Variants in LINGO2 observed in about 807,000 individuals in gnomAD.
LINGO2 encodes the protein leucine-rich repeat and immunoglobulin-like domain-containing nogo receptor-interacting protein 2.
In LINGO2, 14 loss-of-function variants were observed where a neutral mutation model predicts 30.6. The observed-to-expected ratio is 0.46, with a 90% CI of 0.30 to 0.72. The LOEUF (loss-of-function observed/expected upper bound fraction) is 0.72. LINGO2 is among the 30% of genes least tolerant of loss of function. The pLI is 0.07. For missense variants in LINGO2, 729 were observed against 751.7 expected, an observed-to-expected ratio of 0.97 and a Z score of 0.35; for synonymous variants, 317 against 288.5, an observed-to-expected ratio of 1.10 and a Z score of -1.00.
At chr9:28,689,187 T>C in the LINGO2 span, among the ~76,000 whole-genome samples, 4 of 152,060 alleles carry the variant, frequency 2.6e-5, no homozygotes, top group African/African-American at 9.7e-5. Context: ...AGGTAAAGTG[T>C]TTAGGAAATG....
the LINGO2 span, among the ~76,000 whole-genome samples, chr9:28,800,960 A>T: frequency 6.6e-6 from 1 of 152,128 alleles, no homozygotes; most frequent in South Asian, 2.1e-4. Context: ...TTAATAAGCC[A>T]TGCTGTAAGG....
chr9:29,000,128 C>A, the LINGO2 span, among the ~76,000 whole-genome samples: 3 of 151,876 alleles, frequency 2.0e-5, no homozygotes, highest in Non-Finnish European at 4.4e-5. Flanking sequence ...GTTGTTGATT[C>A]AATCATGTAT....
the LINGO2 span, among the ~76,000 whole-genome samples, chr9:28,681,838 A>C: frequency 6.6e-6 from 1 of 152,182 alleles, no homozygotes; most frequent in Admixed American, 6.5e-5. Flanking sequence ...TAGGAAGTAG[A>C]ATACAGACTA....
chr9:28,718,880 A>G, the LINGO2 span, among the ~76,000 whole-genome samples: 1 of 152,018 alleles, frequency 6.6e-6, no homozygotes. Context: ...AATTTGTATT[A>G]TAAATCTATG....
At chr9:28,619,968 A>G (rs999310337) in intron 1 of LINGO2, among the ~76,000 whole-genome samples, 2 of 152,122 alleles carry the variant, frequency 1.3e-5, no homozygotes, top group Non-Finnish European at 1.5e-5. Context: ...TACTTGAATT[A>G]TTGTTATGGT....
chr9:28,298,710 T>C (rs2134198111), intron 3 of LINGO2, among the ~76,000 whole-genome samples: 1 of 151,366 alleles, frequency 6.6e-6, no homozygotes, highest in African/African-American at 2.4e-5. Flanking sequence ...TCAGAATGAA[T>C]GTATTTTCTT....
chr9:29,046,590 A>C, the LINGO2 span, among the ~76,000 whole-genome samples: 1 of 152,180 alleles, frequency 6.6e-6, no homozygotes, highest in Non-Finnish European at 1.5e-5. Flanking sequence ...CACAAAAATC[A>C]ACTCAAAATT....
At chr9:28,760,926 GTGTGTGTA>G in the LINGO2 span, among the ~76,000 whole-genome samples, 8 of 87,066 alleles carry the variant, frequency 9.2e-5, no homozygotes, top group African/African-American at 2.4e-4. Context: ...GTGTGTGTGT[GTGTGTGTA>G]TATATATATA....
At chr9:28,216,939 T>A (rs924990479) in intron 4 of LINGO2, among the ~76,000 whole-genome samples, 1 of 151,830 alleles carries the variant, frequency 6.6e-6, no homozygotes, top group Non-Finnish European at 1.5e-5. Context: ...AATTTCAATT[T>A]ACATGCCAAC....
At chr9:27,997,139 T>G (rs1280815622) in intron 5 of LINGO2, among the ~76,000 whole-genome samples, 1 of 152,316 alleles carries the variant, frequency 6.6e-6, no homozygotes, top group South Asian at 2.1e-4. Flanking sequence ...GCTGGCTTTA[T>G]ACTGAATTTA....
intron 4 of LINGO2, among the ~76,000 whole-genome samples, chr9:28,052,491 G>C (rs1824722821): frequency 1.3e-5 from 2 of 152,022 alleles, no homozygotes; most frequent in Non-Finnish European, 2.9e-5. Context: ...TCATTTCCCA[G>C]AGGTATACCA....
At chr9:28,680,140 C>G in the LINGO2 span, among the ~76,000 whole-genome samples, 10 of 151,980 alleles carry the variant, frequency 6.6e-5, no homozygotes, top group African/African-American at 2.4e-4. Flanking sequence ...CAACCCTGCC[C>G]TGCACCCACC....
chr9:28,848,222 G>A, the LINGO2 span, among the ~76,000 whole-genome samples: 47 of 73,186 alleles, frequency 6.4e-4, no homozygotes, highest in African/African-American at 1.6e-3. Context: ...CTATATATAC[G>A]CATAGTGTAT....
At chr9:28,996,430 G>A in the LINGO2 span, among the ~76,000 whole-genome samples, 1 of 152,208 alleles carries the variant, frequency 6.6e-6, no homozygotes, top group South Asian at 2.1e-4. Flanking sequence ...CATTTTCTAG[G>A]TGGGAATATG....
chr9:29,006,154 C>T, the LINGO2 span, among the ~76,000 whole-genome samples: 1 of 151,336 alleles, frequency 6.6e-6, no homozygotes, highest in African/African-American at 2.4e-5. Flanking sequence ...CAATAAACAA[C>T]AGATTTACTG....
chr9:28,489,091 G>C (rs1041542304), intron 1 of LINGO2, among the ~76,000 whole-genome samples: 1 of 152,224 alleles, frequency 6.6e-6, no homozygotes, highest in African/African-American at 2.4e-5. Flanking sequence ...ATATAGGGTA[G>C]AGGTGGGGAA....
the LINGO2 span, among the ~76,000 whole-genome samples, chr9:29,183,064 C>T: frequency 2.0e-5 from 3 of 152,036 alleles, no homozygotes; most frequent in Non-Finnish European, 4.4e-5. Flanking sequence ...AAACAATAAA[C>T]CCAGGATGTG....
At chr9:28,976,117 C>A in the LINGO2 span, among the ~76,000 whole-genome samples, 6 of 152,250 alleles carry the variant, frequency 3.9e-5, no homozygotes, top group South Asian at 1.2e-3. Flanking sequence ...CAAGTCCAAA[C>A]GCTTTTATCA....
At chr9:28,424,304 G>C (rs1456123490) in intron 2 of LINGO2, among the ~76,000 whole-genome samples, 2 of 152,100 alleles carry the variant, frequency 1.3e-5, no homozygotes, top group Non-Finnish European at 2.9e-5. Flanking sequence ...CCTGCAAGAG[G>C]CCTTTCAGCT....
Sources: gnomAD v4.1 joint callset for allele counts (sites outside exome capture counted in the v4.1 genomes callset) on GRCh38, gnomAD v4.1.1 for gene constraint, MANE v1.5 for transcripts, NCBI Gene and HGNC (gene_info 2026-07-23, HGNC 2026-07-21) for gene names.